Variants in NRG1 observed in about 807,000 individuals in gnomAD.
NRG1 encodes neuregulin 1, also known as pro-neuregulin-1, membrane-bound isoform.
In NRG1, 18 loss-of-function variants were observed where a neutral mutation model predicts 63.8. The observed-to-expected ratio is 0.28, with a 90% CI of 0.19 to 0.42. The LOEUF is 0.42. Among genes scored for constraint, NRG1 ranks in the 10% least tolerant of loss-of-function variants. The pLI is 1.00. For missense variants in NRG1, 762 were observed against 814.7 expected (o/e 0.94, Z 0.79); for synonymous variants, 302 against 301.3 (o/e 1.00, Z -0.02).
At chr8:31,876,863 A>G (rs1829965418) in intron 1 of NRG1, among the ~76,000 whole-genome samples, 1 of 152,182 alleles carries the variant, frequency 6.6e-6, no homozygotes, top group Admixed American at 6.5e-5. Context: ...ATACATATAC[A>G]TAAATAAAGT....
upstream of NRG1, among the ~76,000 whole-genome samples, chr8:32,545,577 C>T (rs1440422823): frequency 2.0e-5 from 3 of 151,658 alleles, no homozygotes; most frequent in South Asian, 4.2e-4. Flanking sequence ...ATTTGCTACT[C>T]CTGACCACAG....
At chr8:32,548,710 G>T (rs1224096642) in exon 1 of NRG1, 2 of 1,566,856 alleles carry the variant, frequency 1.3e-6, no homozygotes, top group Non-Finnish European at 1.7e-6. Flanking sequence ...CGCGTAGAGC[G>T]CTCCGTCTCC....
intron 1 of NRG1, among the ~76,000 whole-genome samples, chr8:32,272,270 C>T (rs796524757): frequency 3.3e-5 from 5 of 152,246 alleles, no homozygotes; most frequent in African/African-American, 1.2e-4. Context: ...TGTTCCCTTA[C>T]TTGGCAGAGA....
At chr8:31,934,406 C>T (rs1432296910) in intron 1 of NRG1, among the ~76,000 whole-genome samples, 2 of 137,664 alleles carry the variant, frequency 1.5e-5, no homozygotes, top group Non-Finnish European at 3.1e-5. Flanking sequence ...TACACACACC[C>T]CTTTATTCGC....
At chr8:31,855,453 C>T (rs1184455052) in intron 1 of NRG1, among the ~76,000 whole-genome samples, 5 of 151,552 alleles carry the variant, frequency 3.3e-5, no homozygotes, top group Non-Finnish European at 4.4e-5. Context: ...TTTTTTGTTT[C>T]CCATTTGCTT....
At chr8:32,014,915 C>G (rs1043634545) in intron 1 of NRG1, among the ~76,000 whole-genome samples, 2 of 151,998 alleles carry the variant, frequency 1.3e-5, no homozygotes, top group Admixed American at 1.3e-4. Context: ...AGGCAGTGAT[C>G]AAGGTGATCC....
chr8:32,677,005 T>C (rs1807305167), intron 5 of NRG1, among the ~76,000 whole-genome samples: 1 of 152,156 alleles, frequency 6.6e-6, no homozygotes, highest in Non-Finnish European at 1.5e-5. Context: ...AAGTAAAGAT[T>C]TTGTCATCTC....
intron 7 of NRG1, chr8:32,749,634 A>G: frequency 6.3e-7 from 1 of 1,586,686 alleles, no homozygotes; most frequent in East Asian, 2.2e-5. Flanking sequence ...AGAGCCTATG[A>G]GCTGAAATCT....
intron 1 of NRG1, among the ~76,000 whole-genome samples, chr8:32,213,462 G>A (rs1456787314): frequency 6.6e-6 from 1 of 152,002 alleles, no homozygotes; most frequent in Non-Finnish European, 1.5e-5. Context: ...GGCCTGTCGG[G>A]GAGCATGGGA....
In NRG1 at chr8:31,959,794, ATTATTTATTTAT is replaced by A. The variant is rs202231999; in HGVS notation, c.37+320397_37+320408del. Among the ~76,000 whole-genome samples, 173 of 122,286 alleles carry A rather than the reference ATTATTTATTTAT, an allele frequency of 1.4e-3. No homozygotes were observed. In the Middle Eastern group the frequency reaches 0.016, roughly 11 times the overall value. 80.2% of individuals were successfully genotyped at this position (122,286 alleles called of 152,430 possible). A position where few individuals can be genotyped will look rare whatever the true frequency, so the allele number is the denominator to read the frequency against. ...GCAACCACCGATTATTTATTTATTT[ATTATTTATTTAT>A]TTATTTATTTATTTATTTATTTATT... On this transcript the variant is annotated intron_variant, in intron 1 of 10. Coordinates refer to the NRG1 transcript ENST00000519301.
chr8:32,399,818 T>A (rs939528979), intron 1 of NRG1, among the ~76,000 whole-genome samples: 7 of 152,222 alleles, frequency 4.6e-5, no homozygotes, highest in Non-Finnish European at 7.3e-5. Flanking sequence ...TATAAGCCAG[T>A]GTTCTTTTTT....
At chr8:32,754,592 G>A in intron 8 of NRG1, 118 bp downstream of exon 8, 1 of 857,288 alleles carries the variant, frequency 1.2e-6, no homozygotes, top group Non-Finnish European at 1.9e-6. Context: ...AAAAAGGAGG[G>A]GCAGGGGGAG....
chr8:32,007,460 C>G (rs1450067663), intron 1 of NRG1, among the ~76,000 whole-genome samples: 1 of 152,010 alleles, frequency 6.6e-6, no homozygotes, highest in Non-Finnish European at 1.5e-5. Flanking sequence ...AAGACTCTCT[C>G]TAATAATACC....
chr8:32,734,185 C>T (rs1824427992), intron 6 of NRG1, among the ~76,000 whole-genome samples: 1 of 152,104 alleles, frequency 6.6e-6, no homozygotes, highest in African/African-American at 2.4e-5. Context: ...AAGAGAAAGT[C>T]AAAGACATCA....
chr8:32,486,306 A>T (rs1825893582), intron 1 of NRG1, among the ~76,000 whole-genome samples: 2 of 152,146 alleles, frequency 1.3e-5, no homozygotes, highest in Non-Finnish European at 1.5e-5. Context: ...GTTCTTATTC[A>T]GATAGCTAAC....
intron 1 of NRG1, among the ~76,000 whole-genome samples, chr8:31,852,444 C>G (rs1252845397): frequency 6.6e-6 from 1 of 152,084 alleles, no homozygotes; most frequent in Non-Finnish European, 1.5e-5. Flanking sequence ...ACGCCCACTT[C>G]TTGATGGGGT....
chr8:32,533,927 A>G lies in NRG1; in HGVS notation c.38-61901A>G, dbSNP rs143339560. Among the ~76,000 whole-genome samples the G allele has an allele frequency of 6.6e-3, 1,006 of 152,236 alleles. 5 individuals carry two copies. The highest frequency in any genetic ancestry group is 0.022 in the African/African-American group (924 of 41,566). ...TTTCATTATAAGGCAGAAAGGTTAG[A>G]CTAAAGAGTAATGTTAAAAATACAA... On this transcript the variant is annotated intron_variant, in intron 1 of 10. Coordinates refer to the NRG1 transcript ENST00000519301.
intron 1 of NRG1, among the ~76,000 whole-genome samples, chr8:31,658,436 C>T (rs890188158): frequency 6.6e-6 from 1 of 152,078 alleles, no homozygotes; most frequent in Non-Finnish European, 1.5e-5. Context: ...TCATGTCTGT[C>T]GAGCACTTAG....
At chr8:32,095,310 T>C (rs1829761389) in intron 1 of NRG1, among the ~76,000 whole-genome samples, 1 of 152,198 alleles carries the variant, frequency 6.6e-6, no homozygotes. Flanking sequence ...AAGACTGGGC[T>C]CATTGACAAC....
Sources: allele counts gnomAD v4.1 joint callset (sites outside exome capture counted in the v4.1 genomes callset), GRCh38; gene constraint gnomAD v4.1.1; transcripts MANE v1.5; gene names NCBI Gene and HGNC (gene_info 2026-07-23, HGNC 2026-07-21).